Variants in SH2B1 observed in about 807,000 individuals in gnomAD.
SH2B1 encodes SH2B adaptor protein 1.
SH2B1 carries 15 observed loss-of-function variants against 62.6 expected under a neutral mutation model. The ratio of observed to expected loss-of-function variants is 0.24; its 90% confidence interval spans 0.16 to 0.37. The LOEUF (loss-of-function observed/expected upper bound fraction) is 0.37. Ranked by LOEUF, SH2B1 falls within the 10% of genes least tolerant of loss-of-function variation. SH2B1 has a pLI of 1.00. For synonymous variants in SH2B1, 443 were observed against 438.0 expected, an observed-to-expected ratio of 1.01 and a Z score of -0.14; for missense variants, 925 against 1,015.6, an observed-to-expected ratio of 0.91 and a Z score of 1.21.
chr16:28,849,225 A>G (rs1962047241), intron 1 of SH2B1, among the ~76,000 whole-genome samples: 1 of 152,080 alleles, frequency 6.6e-6, no homozygotes, highest in South Asian at 2.1e-4. Context: ...CCTCCCAAAT[A>G]GCTGGGATTA....
intron 1 of SH2B1, among the ~76,000 whole-genome samples, chr16:28,851,455 T>C (rs1322993308): frequency 7.1e-6 from 1 of 140,990 alleles, no homozygotes; most frequent in Non-Finnish European, 1.6e-5. Context: ...CCAACGCCTT[T>C]CTTCTTTTTT....
At chr16:28,852,553 CATATTTATATATATACACAT>C (rs1567458791) in intron 1 of SH2B1, among the ~76,000 whole-genome samples, 119 of 9,570 alleles carry the variant, frequency 0.012, 33 homozygotes, top group African/African-American at 0.11. Flanking sequence ...TATATATACA[CATATTTATATATATACACAT>C]ATATATTTAT....
At chr16:28,855,072 C>A (rs1466320176) in intron 1 of SH2B1, among the ~76,000 whole-genome samples, 1 of 152,036 alleles carries the variant, frequency 6.6e-6, no homozygotes, top group Non-Finnish European at 1.5e-5. Flanking sequence ...CAGGGTATCA[C>A]CATGTTGGCC....
upstream of SH2B1, chr16:28,862,026 T>C (rs1962459993): frequency 6.6e-6 from 1 of 152,210 alleles, no homozygotes. Context: ...GTTCCTGATA[T>C]CTTCTGGCCC....
Position 28,873,931 on chromosome 16 carries a change from T to C in SH2B1, c.*111T>C. The C allele has an allele frequency of 8.9e-7, 1 of 1,129,596 alleles. No homozygotes were observed. Among genetic ancestry groups the C allele is most frequent in the Non-Finnish European group, 1.2e-6 (1 of 868,476 alleles). 70.0% of individuals were successfully genotyped at this position (1,129,596 alleles called of 1,614,324 possible). A position where few individuals can be genotyped will look rare whatever the true frequency, so the allele number is the denominator to read the frequency against. ...CCTCCCCCATGCTTCCTGACCCTTG[T>C]TGGCCAAGGGCATCTTTGATGGTAC... On this transcript the variant is annotated 3_prime_UTR_variant, in exon 8 of 8. Coordinates refer to ENST00000684370, the MANE Select transcript of SH2B1 (RefSeq NM_001387430.1). This position sits in a 1 kb window ranked among gnomAD's most constrained non-coding sequence, Gnocchi z 4.2.
chr16:28,853,829 C>G (rs1211854325), intron 1 of SH2B1, among the ~76,000 whole-genome samples: 1 of 151,206 alleles, frequency 6.6e-6, no homozygotes, highest in Non-Finnish European at 1.5e-5. Flanking sequence ...GAAACCCCAT[C>G]TCTACTAAAA....
chr16:28,869,049 A>T lies in SH2B1; in HGVS notation c.1085A>T (p.Gln362Leu), dbSNP rs1962887548. 1 of 1,614,178 alleles carries T rather than the reference A, an allele frequency of 6.2e-7. No homozygotes were observed. Among genetic ancestry groups the T allele is most frequent in the East Asian group, 2.2e-5 (1 of 44,878 alleles). Residue 362 changes from glutamine to leucine, a missense_variant, in exon 3 of 8, where the codon CAG (glutamine) becomes CTG (leucine). Physicochemically the swap from Gln to Leu is moderately radical, Grantham distance 113 (BLOSUM62 -2). Coordinates refer to ENST00000684370, the MANE Select transcript of SH2B1 (RefSeq NM_001387430.1). ...TATATCATGGAGACAGTGGATGCCC[A>T]GCATGTGAAGGCCTGGGTGTCTGAC... Reference protein sequence around the residue: ...SEYIMETVDAQHVKAWVSDIQ... With the variant: ...SEYIMETVDALHVKAWVSDIQ...
In SH2B1 at chr16:28,866,711, C is replaced by T. The variant is rs780285886; in HGVS notation, c.617C>T (p.Ala206Val). The change falls in exon 1 of 8, where the codon GCT (alanine) becomes GTT (valine). Residue 206 changes from alanine to valine, a missense_variant. This residue lies in a region of SH2B1 where 683 missense variants were observed against 704.0 expected (regional missense o/e 0.97). Transcript: ENST00000684370. The surrounding 1 kb of genome is among the most constrained non-coding windows in gnomAD (Gnocchi z 6.3). ...AGCAACTCCAACTCCTCTGGCGGGG[C>T]TGGGACCGTTGGTAGGGGACTGGTC... is the stretch of plus-strand genomic sequence containing the variant. ...GNSNSNSSGG[A>V]GTVGRGLVSD... The T allele has an allele frequency of 3.8e-6, 6 of 1,590,392 alleles. No homozygotes were observed. In the East Asian group the frequency reaches 6.7e-5, roughly 18 times the overall value.
At chr16:28,857,506 T>C (rs1254189370) in intron 1 of SH2B1, among the ~76,000 whole-genome samples, 1 of 152,226 alleles carries the variant, frequency 6.6e-6, no homozygotes, top group East Asian at 1.9e-4. Context: ...ACATGTATAT[T>C]TTACTTAAAT....
At chr16:28,849,592 A>T (rs578253773) in intron 1 of SH2B1, among the ~76,000 whole-genome samples, 3 of 152,248 alleles carry the variant, frequency 2.0e-5, no homozygotes, top group East Asian at 1.9e-4. Flanking sequence ...TCAAGTTTTT[A>T]AAAAAACAGA....
At position 28,864,232 on chromosome 16, in the gene SH2B1, C is replaced by T. The variant is rs1213569419; in HGVS notation, c.-1863C>T. ...GGAGCCTGCACCCTCCACCTCCCGC[C>T]CTTCGGGAAATATCAGAACTGAGCC... On this transcript the variant is annotated 5_prime_UTR_variant, in exon 1 of 8. Transcript: ENST00000684370. The T allele has an allele frequency of 4.9e-6, 5 of 1,018,126 alleles. No individual in the cohort carries two copies. The highest frequency in any genetic ancestry group is 5.9e-6 in the Non-Finnish European group (5 of 849,850). The allele number at this position is 1,018,126 out of a possible 1,614,324, so 63.1% of individuals were successfully genotyped here. A position where few individuals can be genotyped will look rare whatever the true frequency, so the allele number is the denominator to read the frequency against.
At position 28,863,861 on chromosome 16, in the gene SH2B1, G is replaced by C. The variant is rs1489488087; in HGVS notation, c.-2234G>C. Reference sequence around the variant, plus strand: ...CTGCGCGGAACCGGGCTGGGCGCTCGTCGCGTAGTGGGTGGGGGCGCAGGG... The same window carrying C: ...CTGCGCGGAACCGGGCTGGGCGCTCCTCGCGTAGTGGGTGGGGGCGCAGGG... On this transcript the variant is annotated 5_prime_UTR_variant, in exon 1 of 8. Transcript: ENST00000684370. 2 of 1,524,652 alleles carry C rather than the reference G, an allele frequency of 1.3e-6. No homozygotes were observed. Among genetic ancestry groups the C allele is most frequent in the Non-Finnish European group, 1.8e-6 (2 of 1,141,402 alleles). The allele number at this position is 1,524,652 out of a possible 1,614,324, so 94.4% of individuals were successfully genotyped here. A position where few individuals can be genotyped will look rare whatever the true frequency, so the allele number is the denominator to read the frequency against.
At chr16:28,869,127 A>G (rs1962891680) in intron 3 of SH2B1, 30 bp downstream of exon 3, 1 of 1,613,418 alleles carries the variant, frequency 6.2e-7, no homozygotes, top group Non-Finnish European at 8.5e-7. Context: ...TCGCTAAGGG[A>G]CATAGAGTGG....
rs1424009710 is a variant in SH2B1, at chr16:28,865,897, A to G, written c.-198A>G. The G allele has an allele frequency of 5.8e-6, 8 of 1,375,038 alleles. No homozygotes were observed. The African/African-American group carries it at 5.9e-5, about 10-fold the overall frequency. 85.2% of individuals were successfully genotyped at this position (1,375,038 alleles called of 1,614,324 possible). On this transcript the variant is annotated 5_prime_UTR_variant, in exon 1 of 8. Transcript: ENST00000684370. ...AGGGAGGTGTTGGGCTCCCTTCCCCATTGCTCTCTGCGGAGTCTGAAGTAG... is the reference window on the plus strand; with the variant it reads ...AGGGAGGTGTTGGGCTCCCTTCCCCGTTGCTCTCTGCGGAGTCTGAAGTAG...
At chr16:28,855,806 ATTTTTTT>A (rs746171586) in intron 1 of SH2B1, among the ~76,000 whole-genome samples, 14 of 102,394 alleles carry the variant, frequency 1.4e-4, no homozygotes, top group East Asian at 2.9e-4. Context: ...CGCCCGGCTA[ATTTTTTT>A]TTTTTTTTTT....
chr16:28,865,950 A>T lies in SH2B1; in HGVS notation c.-145A>T. The T allele has an allele frequency of 7.0e-7, 1 of 1,425,646 alleles. No homozygotes were observed. Among genetic ancestry groups the T allele is most frequent in the Non-Finnish European group, 9.1e-7 (1 of 1,095,126 alleles). The allele number at this position is 1,425,646 out of a possible 1,614,324, so 88.3% of individuals were successfully genotyped here. Reference sequence around the variant, plus strand: ...TCGGACGTCTCTGGCTGGGGGTGGGATGCAGCCTCCGGTGCGCCCTCAGCA... The same window carrying T: ...TCGGACGTCTCTGGCTGGGGGTGGGTTGCAGCCTCCGGTGCGCCCTCAGCA... On this transcript the variant is annotated 5_prime_UTR_variant, in exon 1 of 8. It removes an upstream start codon present in the reference 5' UTR. Coordinates refer to ENST00000684370, the MANE Select transcript of SH2B1 (RefSeq NM_001387430.1).
At chr16:28,863,749 G>A, upstream of SH2B1, 2 of 1,535,738 alleles carry the variant, frequency 1.3e-6, no homozygotes, top group Non-Finnish European at 8.7e-7. Flanking sequence ...TGGGAGGATG[G>A]CGGAAGTAAG....
upstream of SH2B1, among the ~76,000 whole-genome samples, chr16:28,860,433 G>T (rs1405174898): frequency 1.3e-5 from 2 of 151,930 alleles, no homozygotes; most frequent in African/African-American, 4.8e-5. Context: ...AGTAGAGACA[G>T]GGTTTTGCCA....
upstream of SH2B1, among the ~76,000 whole-genome samples, chr16:28,859,835 T>C (rs1200357724): frequency 1.3e-5 from 2 of 151,366 alleles, no homozygotes; most frequent in East Asian, 3.9e-4. Flanking sequence ...GAAGTCATCC[T>C]ATCTCTGATT....
Sources: gnomAD v4.1 joint callset for allele counts (sites outside exome capture counted in the v4.1 genomes callset) on GRCh38, gnomAD v4.1.1 for gene constraint, gnomAD v4.1.1 regional missense constraint, Gnocchi (gnomAD v3.1) non-coding constraint, MANE v1.5 for transcripts, NCBI Gene and HGNC (gene_info 2026-07-23, HGNC 2026-07-21) for gene names.